The following MTERF3 variants were observed in gnomAD, a reference collection of about 807,000 sequenced individuals.
MTERF3 encodes the protein mitochondrial transcription termination factor 3, also known as transcription termination factor 3, mitochondrial.
A neutral mutation model predicts 40.5 loss-of-function variants in MTERF3; 40 were observed. The observed-to-expected ratio is 0.99, with a 90% CI of 0.77 to 1.29. The LOEUF (loss-of-function observed/expected upper bound fraction) is 1.29. Among genes scored for constraint, MTERF3 ranks in the 50% most tolerant of loss-of-function variants. The pLI is 0.00. For missense variants in MTERF3, 452 were observed against 478.2 expected, an observed-to-expected ratio of 0.95 and a Z score of 0.51; for synonymous variants, 158 against 166.6, an observed-to-expected ratio of 0.95 and a Z score of 0.40.
At chr8:96,241,411 AAAAAAACAAAAAAAAC>A (rs1397685419) in intron 7 of MTERF3, among the ~76,000 whole-genome samples, 3 of 151,648 alleles carry the variant, frequency 2.0e-5, no homozygotes, top group African/African-American at 7.3e-5. Context: ...TCCATCGCAA[AAAAAAACAAAAAAAAC>A]AAAAAACAAA....
At chr8:96,250,445 C>T (rs1011422527) in intron 4 of MTERF3, among the ~76,000 whole-genome samples, 9 of 146,582 alleles carry the variant, frequency 6.1e-5, no homozygotes, top group African/African-American at 2.5e-5. Flanking sequence ...CAGGGTGGCT[C>T]ATGCCTGTAA....
intron 3 of MTERF3, among the ~76,000 whole-genome samples, chr8:96,256,688 C>G (rs141147452): frequency 2.7e-4 from 41 of 152,174 alleles, no homozygotes; most frequent in East Asian, 1.4e-3. Context: ...AACTGATGAA[C>G]CAAACAACAG....
At chr8:96,258,734 G>T (rs776748807) in intron 1 of MTERF3, 34 bp from the exon 2 acceptor site, 6 of 1,425,550 alleles carry the variant, frequency 4.2e-6, no homozygotes, top group Non-Finnish European at 5.7e-6. Flanking sequence ...CAAAAGAAGA[G>T]AAATTTAATT....
intron 3 of MTERF3, among the ~76,000 whole-genome samples, 172 bp downstream of exon 3, chr8:96,256,790 A>C (rs1810286612): frequency 6.6e-6 from 1 of 152,242 alleles, no homozygotes; most frequent in East Asian, 1.9e-4. Flanking sequence ...ATAGGATGCA[A>C]GATCACCAAG....
chr8:96,241,682 T>TG (rs1809933673), intron 7 of MTERF3, among the ~76,000 whole-genome samples: 1 of 152,052 alleles, frequency 6.6e-6, no homozygotes, highest in Non-Finnish European at 1.5e-5. Flanking sequence ...TGTGGTGGTG[T>TG]GGGGGGAGAG....
In MTERF3 at chr8:96,250,694, AGG is replaced by A. The variant is rs1223664504; in HGVS notation, c.677+210_677+211del. Among the ~76,000 whole-genome samples, 28 of 17,260 alleles carry A rather than the reference AGG, an allele frequency of 1.6e-3. 1 individual carries two copies. Among genetic ancestry groups the A allele is most frequent in the African/African-American group, 6.6e-3 (21 of 3,206 alleles). 11.3% of individuals were successfully genotyped at this position (17,260 alleles called of 152,430 possible). ...AAGAAGAAGAAGAAGGAGGAGGAGG[AGG>A]GGGGGAGGGGGAGGGGGAGAAGAAG... On this transcript the variant is annotated intron_variant, in intron 4 of 7. Coordinates refer to ENST00000287025, the MANE Select transcript of MTERF3 (RefSeq NM_015942.5).
chr8:96,255,576 G>A (rs541357182), intron 3 of MTERF3, among the ~76,000 whole-genome samples: 28 of 151,478 alleles, frequency 1.8e-4, no homozygotes, highest in African/African-American at 6.3e-4. Context: ...GAGGCAGGTT[G>A]CAGTGAGCTG....
Position 96,257,027 on chromosome 8 carries a change from G to C in MTERF3, c.422C>G (p.Pro141Arg). The change falls in exon 3 of 8, where the codon CCA becomes CGA. Residue 141 changes from proline to arginine, a missense_variant. Physicochemically the swap from Pro to Arg is moderately radical, Grantham distance 103 (BLOSUM62 -2). Transcript: ENST00000287025. ...IQIIADPPLPPASFTLRDYVD... is the reference protein window; with the variant it reads ...IQIIADPPLPRASFTLRDYVD... Reference sequence around the variant, plus strand: ...ATAGTCTCGAAGTGTGAATGAAGCTGGTGGCAATGGAGGGTCTGCAATAAT... The same window carrying C: ...ATAGTCTCGAAGTGTGAATGAAGCTCGTGGCAATGGAGGGTCTGCAATAAT... The C allele has an allele frequency of 6.2e-7, 1 of 1,614,016 alleles. No individual in the cohort carries two copies. The highest frequency in any genetic ancestry group is 8.5e-7 in the Non-Finnish European group (1 of 1,179,920).
rs1194325516 is a variant in MTERF3 at position 96,261,579 on chromosome 8, G to GCCGCA, written c.-94_-90dup. 6.5e-6 allele frequency: 1 copy of GCCGCA among 154,332 alleles called. No homozygotes were observed. The highest frequency in any genetic ancestry group is 1.4e-5 in the Non-Finnish European group (1 of 69,524). 9.6% of individuals were successfully genotyped at this position (154,332 alleles called of 1,614,324 possible). A position where few individuals can be genotyped will look rare whatever the true frequency, so the allele number is the denominator to read the frequency against. The stretch of plus-strand genomic sequence containing the variant: ...TGGGCCGCACGTCCCGTCCCGCCGC[G>GCCGCA]CCGCACGCCGGCTCCTCAGCCCGCC... On this transcript the variant is annotated 5_prime_UTR_variant, in exon 1 of 8. Coordinates refer to ENST00000287025, the MANE Select transcript of MTERF3 (RefSeq NM_015942.5).
At chr8:96,245,083 A>T (rs1396243156) in intron 6 of MTERF3, among the ~76,000 whole-genome samples, 3 of 152,124 alleles carry the variant, frequency 2.0e-5, no homozygotes, top group Non-Finnish European at 4.4e-5. Flanking sequence ...ACTTGCTTTC[A>T]TAGTGTCCTG....
chr8:96,250,625 A>AGAC (rs1586168390), intron 4 of MTERF3, among the ~76,000 whole-genome samples: 1 of 16,632 alleles, frequency 6.0e-5, no homozygotes, highest in African/African-American at 3.4e-4. Flanking sequence ...CAGAAGAAGA[A>AGAC]GAAGAAGAAG....
At chr8:96,256,267 AC>A in intron 3 of MTERF3, among the ~76,000 whole-genome samples, 1 of 152,168 alleles carries the variant, frequency 6.6e-6, no homozygotes, top group East Asian at 1.9e-4. Flanking sequence ...AGGCCTAGAA[AC>A]CATTCAAATC....
At chr8:96,255,656 A>AAT (rs1810266258) in intron 3 of MTERF3, among the ~76,000 whole-genome samples, 1 of 151,908 alleles carries the variant, frequency 6.6e-6, no homozygotes, top group African/African-American at 2.4e-5. Flanking sequence ...AAAAAAAAAA[A>AAT]AATCAAGGAT....
chr8:96,257,318 T>C, intron 2 of MTERF3: 2 of 397,656 alleles, frequency 5.0e-6, no homozygotes, highest in South Asian at 8.4e-5. Context: ...CCTCTGAGAT[T>C]AGAAATTTGT....
chr8:96,244,305 C>T (rs1809983306), intron 6 of MTERF3, among the ~76,000 whole-genome samples: 1 of 152,114 alleles, frequency 6.6e-6, no homozygotes. Context: ...GCCAGGGTTT[C>T]ACCATGTTGG....
At chr8:96,249,771 T>A (rs951287015) in intron 4 of MTERF3, among the ~76,000 whole-genome samples, 3 of 152,114 alleles carry the variant, frequency 2.0e-5, no homozygotes, top group Admixed American at 2.0e-4. Context: ...TGAGGCAAAA[T>A]AGTCAAAGCA....
intron 7 of MTERF3, among the ~76,000 whole-genome samples, chr8:96,242,143 C>A (rs1290697999): frequency 6.6e-6 from 1 of 152,140 alleles, no homozygotes; most frequent in African/African-American, 2.4e-5. Context: ...TATATCAGCC[C>A]ATTCACAGCC....
chr8:96,241,515 A>T (rs1255940129), intron 7 of MTERF3, among the ~76,000 whole-genome samples: 1 of 152,222 alleles, frequency 6.6e-6, no homozygotes, highest in Non-Finnish European at 1.5e-5. Context: ...TCCTAAATAT[A>T]ATAACACTTC....
At position 96,243,957 on chromosome 8, in the gene MTERF3, T is replaced by C. The variant is rs1472235778; in HGVS notation, c.1021A>G (p.Met341Val). The change falls in exon 7 of 8, where the codon ATG (methionine) becomes GTG (valine). Residue 341 changes from methionine to valine, a missense_variant. Coordinates refer to ENST00000287025, the MANE Select transcript of MTERF3 (RefSeq NM_015942.5). ...TETFDFVHNV[M>V]SIPHHIIVKF... ...ACAATGATGTGGTGGGGAATGCTCA[T>C]CACATTGTGCACAAAATCAAACGTC... 1.9e-6 allele frequency: 3 copies of C among 1,614,024 alleles called. No homozygotes were observed. Among genetic ancestry groups the C allele is most frequent in the East Asian group, 4.5e-5 (2 of 44,892 alleles).
Sources: allele counts gnomAD v4.1 joint callset (sites outside exome capture counted in the v4.1 genomes callset), GRCh38; gene constraint gnomAD v4.1.1; transcripts MANE v1.5; gene names NCBI Gene and HGNC (gene_info 2026-07-23, HGNC 2026-07-21).